MBOAT1: variants seen among roughly 807,000 people sequenced by gnomAD.
MBOAT1 encodes membrane-bound glycerophospholipid O-acyltransferase 1.
Under a neutral mutation model 64.4 loss-of-function variants are expected in MBOAT1, and 67 were observed. That is an observed-to-expected ratio of 1.04 (90% CI 0.85 to 1.27). The LOEUF is 1.27. Ranked by LOEUF, MBOAT1 falls within the 50% of genes most tolerant of loss-of-function variation. The pLI, the probability that MBOAT1 is intolerant of heterozygous loss-of-function variation, is 0.00. For missense variants in MBOAT1, 563 were observed against 604.6 expected (o/e 0.93, Z 0.72); for synonymous variants, 229 against 218.9 (o/e 1.05, Z -0.41).
At chr6:20,195,442 C>T (rs557285764) in intron 1 of MBOAT1, among the ~76,000 whole-genome samples, 56 of 152,256 alleles carry the variant, frequency 3.7e-4, no homozygotes, top group Admixed American at 2.3e-3. Flanking sequence ...TCTAGGTTCA[C>T]CTTGTATATA....
rs186274537 is a variant in MBOAT1, at chr6:20,154,298, G to A, written c.100-1529C>T. On this transcript the variant is annotated intron_variant, in intron 1 of 12. Coordinates refer to ENST00000324607, the MANE Select transcript of MBOAT1 (RefSeq NM_001080480.3). ...TGTAATCCCAGCACTTTGGGAAGCCGAGGCGGGCAGGTCACCTGAGGTCAG... is the reference window on the plus strand; with the variant it reads ...TGTAATCCCAGCACTTTGGGAAGCCAAGGCGGGCAGGTCACCTGAGGTCAG... Among the ~76,000 whole-genome samples the A allele has an allele frequency of 3.0e-3, 462 of 152,294 alleles. 2 individuals are homozygous for A. The highest frequency in any genetic ancestry group is 0.01 in the African/African-American group (435 of 41,550).
intron 4 of MBOAT1, among the ~76,000 whole-genome samples, chr6:20,133,157 A>C (rs1345447600): frequency 6.6e-6 from 1 of 152,208 alleles, no homozygotes; most frequent in Non-Finnish European, 1.5e-5. Flanking sequence ...ATTTGAAACA[A>C]GATTGCTAAT....
chr6:20,140,005 C>A (rs962996021), intron 4 of MBOAT1, among the ~76,000 whole-genome samples: 3 of 152,172 alleles, frequency 2.0e-5, no homozygotes, highest in Non-Finnish European at 4.4e-5. Flanking sequence ...GACACAGGAC[C>A]AAAGCCTTTC....
chr6:20,138,768 T>C (rs567912558), intron 4 of MBOAT1, among the ~76,000 whole-genome samples: 191 of 152,270 alleles, frequency 1.3e-3, no homozygotes, highest in Non-Finnish European at 1.9e-3. Context: ...ATGAGCTTCC[T>C]AGGGCTGCTG....
At chr6:20,154,341 G>A (rs1248557223) in intron 1 of MBOAT1, among the ~76,000 whole-genome samples, 1 of 152,120 alleles carries the variant, frequency 6.6e-6, no homozygotes, top group Non-Finnish European at 1.5e-5. Context: ...AGACCAGACT[G>A]GCCAAACATG....
chr6:20,148,927 C>A lies in MBOAT1; in HGVS notation c.323+2258G>T, dbSNP rs1224774113. Among the ~76,000 whole-genome samples the A allele has an allele frequency of 2.0e-5, 3 of 151,994 alleles. No individual in the cohort carries two copies. The East Asian group carries it at 5.8e-4, about 29-fold the overall frequency. On this transcript the variant is annotated intron_variant, in intron 3 of 12. Coordinates refer to ENST00000324607, the MANE Select transcript of MBOAT1 (RefSeq NM_001080480.3). ...ACCATCCTGGCCAACATAGTGAAACCCCGTCTCGACTAAAAATACAAAAAT... is the reference window on the plus strand; with the variant it reads ...ACCATCCTGGCCAACATAGTGAAACACCGTCTCGACTAAAAATACAAAAAT...
At chr6:20,145,185 T>C (rs1165190821) in intron 3 of MBOAT1, among the ~76,000 whole-genome samples, 1 of 151,800 alleles carries the variant, frequency 6.6e-6, no homozygotes, top group Non-Finnish European at 1.5e-5. Context: ...GAGCAGAGCC[T>C]TCATAAATGG....
At chr6:20,176,925 A>G (rs569016112) in intron 1 of MBOAT1, among the ~76,000 whole-genome samples, 27 of 152,274 alleles carry the variant, frequency 1.8e-4, no homozygotes, top group African/African-American at 6.3e-4. Flanking sequence ...CGTCCAGCCT[A>G]CTATTCATTT....
At chr6:20,175,186 G>A (rs1431231016) in intron 1 of MBOAT1, among the ~76,000 whole-genome samples, 2 of 152,030 alleles carry the variant, frequency 1.3e-5, no homozygotes, top group African/African-American at 2.4e-5. Context: ...TAATGAGGAA[G>A]GATCAAGAAG....
At chr6:20,177,406 C>A (rs550841837) in intron 1 of MBOAT1, among the ~76,000 whole-genome samples, 1 of 152,204 alleles carries the variant, frequency 6.6e-6, no homozygotes, top group South Asian at 2.1e-4. Flanking sequence ...GTTGTCCAGG[C>A]CAGTCTTGAA....
intron 3 of MBOAT1, among the ~76,000 whole-genome samples, chr6:20,146,861 G>T (rs1181946739): frequency 6.6e-6 from 1 of 152,172 alleles, no homozygotes; most frequent in Non-Finnish European, 1.5e-5. Context: ...ATCAAGAAGT[G>T]GTAGTGAGAA....
At chr6:20,110,289 T>G (rs1195016723) in intron 11 of MBOAT1, among the ~76,000 whole-genome samples, 1 of 150,850 alleles carries the variant, frequency 6.6e-6, no homozygotes, top group East Asian at 2.0e-4. Context: ...CATAGCTCAC[T>G]GCAGCTTCAA....
At chr6:20,182,998 C>T (rs529656423) in intron 1 of MBOAT1, among the ~76,000 whole-genome samples, 5 of 152,212 alleles carry the variant, frequency 3.3e-5, no homozygotes, top group South Asian at 2.1e-4. Flanking sequence ...GCAGTACATG[C>T]GTAAAAAGGA....
chr6:20,204,799 A>T (rs1763216109), intron 1 of MBOAT1, among the ~76,000 whole-genome samples: 1 of 152,240 alleles, frequency 6.6e-6, no homozygotes, highest in Non-Finnish European at 1.5e-5. Context: ...TGCAGCAACC[A>T]GGAGCACGGC....
chr6:20,120,908 C>A (rs1760476341), intron 8 of MBOAT1, among the ~76,000 whole-genome samples: 1 of 151,908 alleles, frequency 6.6e-6, no homozygotes, highest in African/African-American at 2.4e-5. Context: ...GCTCTAAGTT[C>A]ACCAGTCCAA....
chr6:20,123,736 T>C (rs559357735), intron 8 of MBOAT1, among the ~76,000 whole-genome samples: 1 of 152,042 alleles, frequency 6.6e-6, no homozygotes, highest in Non-Finnish European at 1.5e-5. Context: ...CATCCTATAT[T>C]ACATAAAACC....
chr6:20,184,605 G>A (rs145869919), intron 1 of MBOAT1, among the ~76,000 whole-genome samples: 8 of 152,054 alleles, frequency 5.3e-5, no homozygotes, highest in East Asian at 1.9e-4. Context: ...ACCATCCTCC[G>A]CCAAATGAAC....
chr6:20,117,129 A>G (rs1217331644), intron 9 of MBOAT1, among the ~76,000 whole-genome samples: 1 of 152,214 alleles, frequency 6.6e-6, no homozygotes, highest in African/African-American at 2.4e-5. Context: ...TTGCCTCACA[A>G]GCAGCGACCA....
At chr6:20,181,780 T>C (rs1762518347) in intron 1 of MBOAT1, among the ~76,000 whole-genome samples, 1 of 152,218 alleles carries the variant, frequency 6.6e-6, no homozygotes, top group Non-Finnish European at 1.5e-5. Flanking sequence ...AAGTGGAGAC[T>C]GTGTTTCCCA....
Sources: gnomAD v4.1 joint callset for allele counts (sites outside exome capture counted in the v4.1 genomes callset) on GRCh38, gnomAD v4.1.1 for gene constraint, MANE v1.5 for transcripts, NCBI Gene and HGNC (gene_info 2026-07-23, HGNC 2026-07-21) for gene names.